Variants in RAB31 observed in about 807,000 individuals in gnomAD.
RAB31 encodes the protein RAB31, member RAS oncogene family.
In RAB31, 21 loss-of-function variants were observed where a neutral mutation model predicts 25.6. The ratio of observed to expected loss-of-function variants is 0.82; its 90% CI spans 0.58 to 1.18. The LOEUF is 1.18. RAB31 is among the 50% of genes most tolerant of loss of function. The pLI is 0.00. For missense variants in RAB31, 196 were observed against 250.1 expected, an observed-to-expected ratio of 0.78 and a Z score of 1.46; for synonymous variants, 87 against 84.0, an observed-to-expected ratio of 1.04 and a Z score of -0.20.
intron 6 of RAB31, 51 bp downstream of exon 6, chr18:9,845,742 G>A: frequency 2.7e-6 from 4 of 1,496,614 alleles, no homozygotes; most frequent in Non-Finnish European, 3.6e-6. Context: ...TTATGCTTCT[G>A]GGAGTCAAAG....
chr18:9,770,972 C>G (rs78644179), intron 1 of RAB31, among the ~76,000 whole-genome samples: 17,366 of 151,164 alleles, frequency 0.11, 1,016 homozygotes, highest in South Asian at 0.2. Context: ...CGTTAGCCTG[C>G]CCCACATAGC....
chr18:9,763,119 C>T (rs572775006), intron 1 of RAB31, among the ~76,000 whole-genome samples: 1 of 151,998 alleles, frequency 6.6e-6, no homozygotes, highest in Non-Finnish European at 1.5e-5. Flanking sequence ...GATGATGTCC[C>T]GGCACCGAGA....
At chr18:9,749,963 C>G (rs756102589) in intron 1 of RAB31, among the ~76,000 whole-genome samples, 14 of 152,120 alleles carry the variant, frequency 9.2e-5, no homozygotes, top group Non-Finnish European at 1.9e-4. Flanking sequence ...CCAGTGGGCC[C>G]TTTGATTCAT....
intron 1 of RAB31, among the ~76,000 whole-genome samples, chr18:9,760,259 G>A (rs1472037728): frequency 2.6e-5 from 4 of 151,108 alleles, no homozygotes; most frequent in South Asian, 2.1e-4. Flanking sequence ...CTGCAGCCTC[G>A]ACCTCCCAGC....
chr18:9,718,910 G>A (rs12958586), intron 1 of RAB31, among the ~76,000 whole-genome samples: 96,268 of 151,746 alleles, frequency 0.63, 30,931 homozygotes, highest in East Asian at 0.77. Flanking sequence ...TGGAGGTCAG[G>A]ATTTCAACAT....
chr18:9,862,538 T>A lies in RAB31; in HGVS notation c.*3213T>A, dbSNP rs1180152354. On this transcript the variant is annotated 3_prime_UTR_variant, in exon 7 of 7. Transcript: ENST00000578921. ...ACACACACTGATTCATACTAATAAA[T>A]ATTTTCAGTTTTACCGTTTGTCTTT... is the stretch of plus-strand genomic sequence containing the variant. 6.6e-6 allele frequency: 1 copy of A among 152,250 alleles called. No individual in the cohort carries two copies. Among genetic ancestry groups the A allele is most frequent in the Non-Finnish European group, 1.5e-5 (1 of 68,044 alleles). 9.4% of individuals were successfully genotyped at this position (152,250 alleles called of 1,614,324 possible).
At chr18:9,785,876 C>T (rs190071061) in intron 2 of RAB31, among the ~76,000 whole-genome samples, 14 of 152,284 alleles carry the variant, frequency 9.2e-5, no homozygotes, top group South Asian at 6.2e-4. Context: ...GCCTGACCAA[C>T]GTGGTGAAAC....
At chr18:9,813,943 TA>T in intron 3 of RAB31, 76 bp from the exon 4 acceptor site, 1 of 1,000,408 alleles carries the variant, frequency 1.0e-6, no homozygotes. Flanking sequence ...TGATGTAGGA[TA>T]AAACGTTTAT....
At chr18:9,800,117 C>G (rs966655694) in intron 3 of RAB31, among the ~76,000 whole-genome samples, 1 of 152,168 alleles carries the variant, frequency 6.6e-6, no homozygotes, top group Non-Finnish European at 1.5e-5. Context: ...CAGCTCCCTG[C>G]GGGAGCCTAG....
chr18:9,828,540 C>A (rs1221506219), intron 5 of RAB31, among the ~76,000 whole-genome samples: 8 of 152,130 alleles, frequency 5.3e-5, no homozygotes, highest in Non-Finnish European at 1.0e-4. Context: ...TTAGAAACAC[C>A]ACCAGCCATC....
intron 6 of RAB31, among the ~76,000 whole-genome samples, chr18:9,850,339 G>T (rs528203463): frequency 6.6e-6 from 1 of 152,270 alleles, no homozygotes; most frequent in South Asian, 2.1e-4. Context: ...TGTCCAGGCT[G>T]GTCTTGAACT....
chr18:9,852,631 A>C (rs2068794880), intron 6 of RAB31, among the ~76,000 whole-genome samples: 1 of 151,964 alleles, frequency 6.6e-6, no homozygotes. Context: ...TTGCATGCAT[A>C]AACCACAATT....
chr18:9,858,993 T>C (rs1261429151), intron 6 of RAB31, among the ~76,000 whole-genome samples: 2 of 152,128 alleles, frequency 1.3e-5, no homozygotes, highest in Non-Finnish European at 2.9e-5. Flanking sequence ...GCTGGACTGT[T>C]CCTTACCTGA....
chr18:9,831,816 C>T (rs1327335522), intron 5 of RAB31, among the ~76,000 whole-genome samples: 1 of 152,228 alleles, frequency 6.6e-6, no homozygotes, highest in South Asian at 2.1e-4. Flanking sequence ...GCCTCCCCTC[C>T]CTGCAGCCCA....
chr18:9,820,906 T>C (rs981892142), intron 5 of RAB31, among the ~76,000 whole-genome samples: 2 of 152,076 alleles, frequency 1.3e-5, no homozygotes, highest in African/African-American at 2.4e-5. Context: ...CCTCTAATTG[T>C]TATTTCCTTC....
intron 3 of RAB31, among the ~76,000 whole-genome samples, chr18:9,795,064 A>G (rs572326672): frequency 6.6e-6 from 1 of 152,346 alleles, no homozygotes; most frequent in Admixed American, 6.5e-5. Flanking sequence ...ATGGAACAGA[A>G]TAAAGAACCC....
intron 1 of RAB31, among the ~76,000 whole-genome samples, chr18:9,752,943 T>C (rs1204303474): frequency 6.6e-6 from 1 of 152,224 alleles, no homozygotes; most frequent in Non-Finnish European, 1.5e-5. Context: ...ATTTTCTTTC[T>C]TGACTCCAAA....
At chr18:9,731,187 G>A (rs1024621906) in intron 1 of RAB31, among the ~76,000 whole-genome samples, 6 of 151,882 alleles carry the variant, frequency 4.0e-5, no homozygotes, top group Admixed American at 1.3e-4. Context: ...TCAAGTGATC[G>A]TCCCGCCTTA....
At chr18:9,850,291 A>G (rs1252555873) in intron 6 of RAB31, among the ~76,000 whole-genome samples, 1 of 152,010 alleles carries the variant, frequency 6.6e-6, no homozygotes, top group Non-Finnish European at 1.5e-5. Context: ...GTAGATTATT[A>G]TTATTTTTTT....
Sources: gnomAD v4.1 joint callset for allele counts (sites outside exome capture counted in the v4.1 genomes callset) on GRCh38, gnomAD v4.1.1 for gene constraint, MANE v1.5 for transcripts, NCBI Gene and HGNC (gene_info 2026-07-23, HGNC 2026-07-21) for gene names.